FRAS1: variants seen among roughly 807,000 people sequenced by gnomAD.
The protein encoded by FRAS1 is extracellular matrix organizing protein FRAS1.
FRAS1 carries 290 observed loss-of-function variants against 435.2 expected under a neutral mutation model. The observed-to-expected ratio is 0.67, with a 90% CI of 0.61 to 0.73. FRAS1 has a LOEUF of 0.73. Among genes scored for constraint, FRAS1 ranks in the 30% least tolerant of loss-of-function variants. The pLI is 0.00. For missense variants in FRAS1, 4,860 were observed against 5,001.5 expected (o/e 0.97, Z 0.85); for synonymous variants, 1,800 against 1,851.0 (o/e 0.97, Z 0.71).
At chr4:78,060,996 G>A (rs181180017) in intron 1 of FRAS1, among the ~76,000 whole-genome samples, 11 of 151,968 alleles carry the variant, frequency 7.2e-5, no homozygotes, top group Admixed American at 5.2e-4. Flanking sequence ...ACAGATGTGC[G>A]CCACCATGCC....
chr4:78,260,709 T>A lies in FRAS1; in HGVS notation c.604-4316T>A, dbSNP rs527669811. On this transcript the variant is annotated intron_variant, in intron 6 of 73. Coordinates refer to ENST00000512123, the MANE Select transcript of FRAS1 (RefSeq NM_025074.7). Reference sequence around the variant, plus strand: ...ATACCCTTTATTTCCTTCTCCTGCCTAATTACCCTGGCCAGAACTTCCAAC... The same window carrying A: ...ATACCCTTTATTTCCTTCTCCTGCCAAATTACCCTGGCCAGAACTTCCAAC... Among the ~76,000 whole-genome samples the A allele has an allele frequency of 2.1e-3, 321 of 152,248 alleles. 3 individuals carry two copies. The highest frequency in any genetic ancestry group is 4.2e-3 in the East Asian group (22 of 5,190).
intron 2 of FRAS1, among the ~76,000 whole-genome samples, chr4:78,128,942 G>A (rs1719530411): frequency 6.6e-6 from 1 of 152,164 alleles, no homozygotes; most frequent in Non-Finnish European, 1.5e-5. Context: ...TAAGGTGTAA[G>A]GAAGGGATCC....
chr4:78,375,723 T>C lies in FRAS1; in HGVS notation c.3152-16T>C. On this transcript the variant is annotated splice_polypyrimidine_tract_variant and intron_variant, in intron 25 of 73. Coordinates refer to ENST00000512123, the MANE Select transcript of FRAS1 (RefSeq NM_025074.7). ...TGCCTTGATTGAGCCTCATTTAGTG[T>C]TTCCTTTTTTAATAGCCTGCCCTCA... is the stretch of plus-strand genomic sequence containing the variant. The C allele has an allele frequency of 6.4e-7, 1 of 1,554,690 alleles. No homozygotes were observed. The highest frequency in any genetic ancestry group is 1.4e-5 in the African/African-American group (1 of 72,962).
At chr4:78,299,058 G>A (rs1386044752) in intron 14 of FRAS1, among the ~76,000 whole-genome samples, 1 of 152,172 alleles carries the variant, frequency 6.6e-6, no homozygotes, top group Non-Finnish European at 1.5e-5. Flanking sequence ...TATATAAACA[G>A]GATTTTAGGG....
At position 78,486,763 on chromosome 4, in the gene FRAS1, G is replaced by A. The variant is rs75412030; in HGVS notation, c.8753-2112G>A. On this transcript the variant is annotated intron_variant, in intron 58 of 73. Coordinates refer to ENST00000512123, the MANE Select transcript of FRAS1 (RefSeq NM_025074.7). ...CCCACTGGTCTGGGGTCTTCTTAAA[G>A]GGAGGGATTGTTTCTGGGCAGGCAA... Among the ~76,000 whole-genome samples the A allele has an allele frequency of 8.2e-3, 1,243 of 151,782 alleles. 15 individuals are homozygous for A. Among genetic ancestry groups the A allele is most frequent in the African/African-American group, 0.029 (1,183 of 41,366 alleles).
intron 18 of FRAS1, among the ~76,000 whole-genome samples, chr4:78,332,168 T>C (rs752715995): frequency 4.0e-5 from 6 of 151,890 alleles, no homozygotes; most frequent in Non-Finnish European, 8.8e-5. Flanking sequence ...TAGCCTGGAG[T>C]GTAAGCGTAT....
In FRAS1 at chr4:78,519,321, T is replaced by C; in HGVS notation, c.10390-10T>C. The C allele has an allele frequency of 1.3e-6, 2 of 1,521,196 alleles. No individual in the cohort carries two copies. The highest frequency in any genetic ancestry group is 1.8e-6 in the Non-Finnish European group (2 of 1,139,594). The allele number at this position is 1,521,196 out of a possible 1,614,324, so 94.2% of individuals were successfully genotyped here. A position where few individuals can be genotyped will look rare whatever the true frequency, so the allele number is the denominator to read the frequency against. ...GAAATAACTCTGTGTGCATACTGCT[T>C]CCTCGGCAGGTGAGGGACTCTGCCC... On this transcript the variant is annotated splice_polypyrimidine_tract_variant and intron_variant, in intron 66 of 73. Transcript: ENST00000512123.
chr4:78,457,155 A>C (rs1331222026), intron 47 of FRAS1, among the ~76,000 whole-genome samples: 1 of 152,230 alleles, frequency 6.6e-6, no homozygotes, highest in Admixed American at 6.5e-5. Context: ...AAAGGCATTT[A>C]GAGACCCATT....
At chr4:78,378,380 A>G (rs1465808670) in intron 26 of FRAS1, among the ~76,000 whole-genome samples, 1 of 152,182 alleles carries the variant, frequency 6.6e-6, no homozygotes, top group African/African-American at 2.4e-5. Flanking sequence ...TAATGCTGCT[A>G]TGAACATTTG....
chr4:78,322,702 A>G lies in FRAS1; in HGVS notation c.2137+3716A>G, dbSNP rs371934754. On this transcript the variant is annotated intron_variant, in intron 18 of 73. Coordinates refer to ENST00000512123, the MANE Select transcript of FRAS1 (RefSeq NM_025074.7). Reference sequence around the variant, plus strand: ...TACTACAGATATTTAACTAAAATCCAAGTCTGTGATGAGAGGACAAAAAAA... The same window carrying G: ...TACTACAGATATTTAACTAAAATCCGAGTCTGTGATGAGAGGACAAAAAAA... Among the ~76,000 whole-genome samples the G allele has an allele frequency of 1.7e-3, 257 of 152,318 alleles. 2 individuals carry two copies. The highest frequency in any genetic ancestry group is 5.9e-3 in the African/African-American group (247 of 41,570).
At chr4:78,298,129 G>C (rs1247747813) in intron 14 of FRAS1, among the ~76,000 whole-genome samples, 1 of 143,080 alleles carries the variant, frequency 7.0e-6, no homozygotes, top group African/African-American at 2.6e-5. Context: ...TATATTTAAG[G>C]TATATAACAT....
At chr4:78,305,688 T>C (rs1728674143) in intron 14 of FRAS1, among the ~76,000 whole-genome samples, 1 of 151,682 alleles carries the variant, frequency 6.6e-6, no homozygotes, top group Admixed American at 6.6e-5. Flanking sequence ...TTGCAACCCC[T>C]GCCTTTTTTT....
Position 78,058,103 on chromosome 4 carries a change from C to CGTATGT in FRAS1, c.76+20_76+21insATGTGT. On this transcript the variant is annotated intron_variant, in intron 1 of 73. Coordinates refer to ENST00000512123, the MANE Select transcript of FRAS1 (RefSeq NM_025074.7). Reference sequence around the variant, plus strand: ...TTCCGAAGGTGAGAGAGCGGTGCCGCGTGTGTGTGTGTGTGTGCGTGTGCG... The same window carrying CGTATGT: ...TTCCGAAGGTGAGAGAGCGGTGCCGCGTATGTGTGTGTGTGTGTGTGTGCGTGTGCG... 1 of 1,528,910 alleles carries CGTATGT rather than the reference C, an allele frequency of 6.5e-7. No individual in the cohort carries two copies. The highest frequency in any genetic ancestry group is 9.0e-7 in the Non-Finnish European group (1 of 1,112,914). 94.7% of individuals were successfully genotyped at this position (1,528,910 alleles called of 1,614,324 possible).
chr4:78,181,929 C>G lies in FRAS1; in HGVS notation c.109-55581C>G. ...CCCCCAACGCCACCCCTGCCGGCTT[C>G]TTTTTTCTTGTTCTCCGCTGCCTTC... On this transcript the variant is annotated intron_variant, in intron 2 of 73. Coordinates refer to ENST00000512123, the MANE Select transcript of FRAS1 (RefSeq NM_025074.7). The G allele has an allele frequency of 3.1e-6, 5 of 1,609,228 alleles. No individual in the cohort carries two copies. In the Admixed American group the frequency reaches 6.8e-5, roughly 22 times the overall value.
At chr4:78,124,316 A>T (rs1719211962) in intron 2 of FRAS1, among the ~76,000 whole-genome samples, 1 of 152,184 alleles carries the variant, frequency 6.6e-6, no homozygotes, top group Non-Finnish European at 1.5e-5. Flanking sequence ...CATCCCAGGG[A>T]TGAAGCCAAC....
At chr4:78,354,967 T>C (rs1307789036) in intron 20 of FRAS1, among the ~76,000 whole-genome samples, 1 of 152,216 alleles carries the variant, frequency 6.6e-6, no homozygotes, top group Non-Finnish European at 1.5e-5. Flanking sequence ...AGAGCCTTTG[T>C]GATTTGAAGA....
chr4:78,387,947 G>A (rs765122764), intron 29 of FRAS1, among the ~76,000 whole-genome samples: 2 of 152,118 alleles, frequency 1.3e-5, no homozygotes, highest in Admixed American at 6.5e-5. Flanking sequence ...CCATAAGAAC[G>A]TGTTATTATC....
At chr4:78,273,115 A>G (rs1237972003) in intron 9 of FRAS1, among the ~76,000 whole-genome samples, 12 of 151,998 alleles carry the variant, frequency 7.9e-5, no homozygotes, top group African/African-American at 2.9e-4. Context: ...CTCTCTGTTT[A>G]TCTGTTATTG....
At chr4:78,393,453 C>G (rs895371601) in intron 29 of FRAS1, among the ~76,000 whole-genome samples, 3 of 151,988 alleles carry the variant, frequency 2.0e-5, no homozygotes, top group South Asian at 4.1e-4. Context: ...TTCTCCCAGC[C>G]CCTTGCAACT....
Sources: gnomAD v4.1 joint callset for allele counts (sites outside exome capture counted in the v4.1 genomes callset) on GRCh38, gnomAD v4.1.1 for gene constraint, MANE v1.5 for transcripts, NCBI Gene and HGNC (gene_info 2026-07-23, HGNC 2026-07-21) for gene names.